Variants in ADAMTS2 observed in about 807,000 individuals in gnomAD.
ADAMTS2 encodes the protein A disintegrin and metalloproteinase with thrombospondin motifs 2.
A neutral mutation model predicts 123.0 loss-of-function variants in ADAMTS2; 50 were observed. The ratio of observed to expected loss-of-function variants is 0.41; its 90% CI spans 0.32 to 0.51. ADAMTS2 has a LOEUF of 0.51. Ranked by LOEUF, ADAMTS2 falls within the 20% of genes least tolerant of loss-of-function variation. The probability of loss-of-function intolerance (pLI) is 0.35; values close to 1 mark genes in which losing one functional copy is unlikely to be tolerated. For missense variants in ADAMTS2, 1,494 were observed against 1,705.2 expected, an observed-to-expected ratio of 0.88 and a Z score of 2.18; for synonymous variants, 678 against 695.4, an observed-to-expected ratio of 0.98 and a Z score of 0.39.
In ADAMTS2 at chr5:179,260,755, T is replaced by A. The variant is rs1766196202; in HGVS notation, c.688+12156A>T. On this transcript the variant is annotated intron_variant, in intron 3 of 21. Coordinates refer to ENST00000251582, the MANE Select transcript of ADAMTS2 (RefSeq NM_014244.5). This position sits in a 1 kb window ranked among gnomAD's most constrained non-coding sequence, Gnocchi z 4.2. ...CCCACCGTGGGGCTCATTACAAGAA[T>A]CCTAGGAGATGATGTACCTGCAGCG... Among the ~76,000 whole-genome samples the A allele has an allele frequency of 6.6e-6, 1 of 152,150 alleles. No homozygotes were observed. The highest frequency in any genetic ancestry group is 2.1e-4 in the South Asian group (1 of 4,824).
intron 3 of ADAMTS2, among the ~76,000 whole-genome samples, chr5:179,238,619 C>T (rs984036201): frequency 5.3e-5 from 8 of 151,964 alleles, no homozygotes; most frequent in Non-Finnish European, 7.4e-5. Context: ...GGCATCCAGG[C>T]GGAAGGAGGA....
chr5:179,249,682 C>T (rs1765875731), intron 3 of ADAMTS2, among the ~76,000 whole-genome samples: 1 of 152,052 alleles, frequency 6.6e-6, no homozygotes, highest in Admixed American at 6.5e-5. Context: ...AACACAGAAA[C>T]TACCAAAATT....
At chr5:179,310,522 T>C (rs944842826) in intron 2 of ADAMTS2, among the ~76,000 whole-genome samples, 1 of 152,146 alleles carries the variant, frequency 6.6e-6, no homozygotes, top group South Asian at 2.1e-4. Flanking sequence ...AAGAATCTGA[T>C]TGGCGTCTCT....
In ADAMTS2 at chr5:179,345,258, GGCAGCAGCAGCA is replaced by G. The variant is rs568040559; in HGVS notation, c.59_70del (p.Leu20_Leu23del). The G allele has an allele frequency of 3.5e-6, 4 of 1,136,334 alleles. No individual in the cohort carries two copies. The highest frequency in any genetic ancestry group is 1.7e-5 in the African/African-American group (1 of 59,010). The allele number at this position is 1,136,334 out of a possible 1,614,324, so 70.4% of individuals were successfully genotyped here. A position where few individuals can be genotyped will look rare whatever the true frequency, so the allele number is the denominator to read the frequency against. On this transcript the variant is annotated inframe_deletion, in exon 1 of 22. Coordinates refer to ENST00000251582, the MANE Select transcript of ADAMTS2 (RefSeq NM_014244.5). This position sits in a 1 kb window ranked among gnomAD's most constrained non-coding sequence, Gnocchi z 7.5. ...CGGCGGCGGCGGCAGGAGCGGCGGCGGCAGCAGCAGCAGCAGCAGCAGCAGCGCGGGGCAGAG... is the reference window on the plus strand; with the variant it reads ...CGGCGGCGGCGGCAGGAGCGGCGGCGGCAGCAGCAGCAGCGCGGGGCAGAG...
chr5:179,219,786 G>A (rs1765081886), intron 3 of ADAMTS2, among the ~76,000 whole-genome samples: 1 of 152,080 alleles, frequency 6.6e-6, no homozygotes, highest in Non-Finnish European at 1.5e-5. Flanking sequence ...CCCAGGGCTG[G>A]GGCCTCCTGT....
chr5:179,165,132 G>A (rs1282362660), intron 5 of ADAMTS2, among the ~76,000 whole-genome samples: 1 of 152,208 alleles, frequency 6.6e-6, no homozygotes, highest in Non-Finnish European at 1.5e-5. Flanking sequence ...GAACTCCCCT[G>A]TGGGTCACTT....
chr5:179,341,807 G>A (rs1002928131), intron 2 of ADAMTS2, among the ~76,000 whole-genome samples: 1 of 152,088 alleles, frequency 6.6e-6, no homozygotes, highest in Non-Finnish European at 1.5e-5. Flanking sequence ...CGCTCAGGCA[G>A]GTCCCAGCTC....
chr5:179,224,957 C>G (rs1228449726), intron 3 of ADAMTS2, among the ~76,000 whole-genome samples: 3 of 152,208 alleles, frequency 2.0e-5, no homozygotes, highest in African/African-American at 7.2e-5. Context: ...TCTGGCCAAC[C>G]AGAGTGAGTC....
At chr5:179,247,956 G>T (rs1486265716) in intron 3 of ADAMTS2, among the ~76,000 whole-genome samples, 1 of 152,000 alleles carries the variant, frequency 6.6e-6, no homozygotes, top group African/African-American at 2.4e-5. Flanking sequence ...ACTAATAAAG[G>T]GAACCCCAAA....
At chr5:179,194,436 C>T (rs1259302015) in intron 4 of ADAMTS2, among the ~76,000 whole-genome samples, 1 of 152,164 alleles carries the variant, frequency 6.6e-6, no homozygotes, top group Non-Finnish European at 1.5e-5. Flanking sequence ...GGGTGGGCCT[C>T]AGAACAGGAG....
chr5:179,122,099 A>T (rs928094789), intron 20 of ADAMTS2, among the ~76,000 whole-genome samples: 2 of 152,094 alleles, frequency 1.3e-5, no homozygotes, highest in African/African-American at 4.8e-5. Flanking sequence ...TTGGACAGAG[A>T]GTGCCAGGGG....
Position 179,132,815 on chromosome 5 carries a change from A to T in ADAMTS2, c.2171T>A (p.Val724Glu), listed in dbSNP as rs761256475. 136 of 1,613,816 alleles carry T rather than the reference A, an allele frequency of 8.4e-5. No individual in the cohort carries two copies. The highest frequency in any genetic ancestry group is 1.1e-4 in the Non-Finnish European group (133 of 1,179,972). Reference protein sequence around the residue: ...VCGGDNSHCKVVKGTFTRSPK... With the variant: ...VCGGDNSHCKEVKGTFTRSPK... Reference sequence around the variant, plus strand: ...TGACCGTGTGAACGTGCCCTTGACCACTTTGCAGTGGCTGTTGTCCCCTCC... The same window carrying T: ...TGACCGTGTGAACGTGCCCTTGACCTCTTTGCAGTGGCTGTTGTCCCCTCC... The change falls in exon 14 of 22, where the codon GTG becomes GAG. Residue 724 changes from valine to glutamate, a missense_variant. By Grantham distance (121) the Val-to-Glu change is moderately radical (BLOSUM62 -2). This residue lies in a region of ADAMTS2 where 953 missense variants were observed against 1,124.7 expected (regional missense o/e 0.85). Transcript: ENST00000251582. This position sits in a 1 kb window ranked among gnomAD's most constrained non-coding sequence, Gnocchi z 6.1.
In ADAMTS2 at chr5:179,188,357, G is replaced by A. The variant is rs1264184103; in HGVS notation, c.892-7202C>T. Among the ~76,000 whole-genome samples, 1 of 152,188 alleles carries A rather than the reference G, an allele frequency of 6.6e-6. No individual in the cohort carries two copies. Among genetic ancestry groups the A allele is most frequent in the Non-Finnish European group, 1.5e-5 (1 of 68,030 alleles). ...TCTCTCTGTGCCCCTTCGGAGGCCA[G>A]GCTTGGACCACCAGGATGGAGGCAG... On this transcript the variant is annotated intron_variant, in intron 4 of 21. Transcript: ENST00000251582. This position sits in a 1 kb window ranked among gnomAD's most constrained non-coding sequence, Gnocchi z 5.1.
rs191572922 is a variant in ADAMTS2 at position 179,266,033 on chromosome 5, C to T, written c.688+6878G>A. ...GTATGAGAGAGAGCACCTATCACCA[C>T]GCCAGAGGCCCTGGCCTCAGGGGTC... On this transcript the variant is annotated intron_variant, in intron 3 of 21. Coordinates refer to ENST00000251582, the MANE Select transcript of ADAMTS2 (RefSeq NM_014244.5). Among the ~76,000 whole-genome samples, 35 of 152,312 alleles carry T rather than the reference C, an allele frequency of 2.3e-4. No homozygotes were observed. The East Asian group carries it at 2.3e-3, about 10-fold the overall frequency.
chr5:179,316,280 G>A (rs58665820), intron 2 of ADAMTS2, among the ~76,000 whole-genome samples: 24,815 of 152,196 alleles, frequency 0.16, 2,424 homozygotes, highest in Admixed American at 0.28. Context: ...CAGAGCCACC[G>A]CAGCAGAGGA....
At position 179,316,166 on chromosome 5, in the gene ADAMTS2, C is replaced by T. The variant is rs572663459; in HGVS notation, c.534+27601G>A. ...CAGACATCCAAGTCCCAGACTGGGG[C>T]GTGGGCACCGGGCAGCAGACGGGAG... On this transcript the variant is annotated intron_variant, in intron 2 of 21. Transcript: ENST00000251582. Among the ~76,000 whole-genome samples the T allele has an allele frequency of 3.0e-3, 455 of 152,268 alleles. 2 individuals are homozygous for T. The highest frequency in any genetic ancestry group is 0.01 in the African/African-American group (433 of 41,542).
chr5:179,231,028 G>T (rs1024390543), intron 3 of ADAMTS2, among the ~76,000 whole-genome samples: 7 of 151,976 alleles, frequency 4.6e-5, no homozygotes, highest in African/African-American at 1.7e-4. Context: ...AAAAGCCGGG[G>T]GGGCTACCAA....
chr5:179,152,415 C>G (rs575575405), intron 9 of ADAMTS2, among the ~76,000 whole-genome samples, 160 bp from the exon 10 acceptor site: 1 of 152,264 alleles, frequency 6.6e-6, no homozygotes, highest in Admixed American at 6.5e-5. Context: ...GTGGTGAAGA[C>G]CTTGCCCATA....
At chr5:179,284,619 T>A (rs1228177750) in intron 2 of ADAMTS2, among the ~76,000 whole-genome samples, 1 of 152,162 alleles carries the variant, frequency 6.6e-6, no homozygotes, top group African/African-American at 2.4e-5. Flanking sequence ...ACTCCTGACC[T>A]CAGGTGATCC....
Sources: gnomAD v4.1 joint callset for allele counts (sites outside exome capture counted in the v4.1 genomes callset) on GRCh38, gnomAD v4.1.1 for gene constraint, gnomAD v4.1.1 regional missense constraint, Gnocchi (gnomAD v3.1) non-coding constraint, MANE v1.5 for transcripts, NCBI Gene and HGNC (gene_info 2026-07-23, HGNC 2026-07-21) for gene names.